The following MANBA variants were observed in gnomAD, a reference collection of about 807,000 sequenced individuals.
The protein encoded by MANBA is beta-mannosidase.
In MANBA, 83 loss-of-function variants were observed where a neutral mutation model predicts 111.1. That is an observed-to-expected ratio of 0.75 (90% CI 0.63 to 0.90). MANBA has a LOEUF of 0.90. Ranked by LOEUF, MANBA falls within the 40% of genes least tolerant of loss-of-function variation. The probability of loss-of-function intolerance (pLI) is 0.00; values close to 1 mark genes in which losing one functional copy is unlikely to be tolerated. For synonymous variants in MANBA, 370 were observed against 378.7 expected, an observed-to-expected ratio of 0.98 and a Z score of 0.27; for missense variants, 1,036 against 1,069.0, an observed-to-expected ratio of 0.97 and a Z score of 0.43.
intron 16 of MANBA, among the ~76,000 whole-genome samples, chr4:102,634,150 A>G (rs1379433817): frequency 1.3e-5 from 2 of 152,214 alleles, no homozygotes; most frequent in Non-Finnish European, 2.9e-5. Context: ...AAGGTTTTCA[A>G]CCTACTAGAC....
chr4:102,753,061 T>C (rs1191600709), intron 1 of MANBA, among the ~76,000 whole-genome samples: 1 of 152,184 alleles, frequency 6.6e-6, no homozygotes, highest in Non-Finnish European at 1.5e-5. Context: ...ATAATTTTTA[T>C]TTTCAAGTGT....
At chr4:102,678,378 T>C (rs1731814494) in intron 7 of MANBA, among the ~76,000 whole-genome samples, 1 of 152,058 alleles carries the variant, frequency 6.6e-6, no homozygotes, top group Non-Finnish European at 1.5e-5. Flanking sequence ...GTCTTGATAG[T>C]CACATAAAAG....
chr4:102,731,670 C>T (rs1723038451), intron 1 of MANBA, among the ~76,000 whole-genome samples: 1 of 152,150 alleles, frequency 6.6e-6, no homozygotes, highest in Non-Finnish European at 1.5e-5. Context: ...TTGCAATTTA[C>T]ATATGGCTGC....
At chr4:102,728,946 T>C in intron 1 of MANBA, 6 of 771,806 alleles carry the variant, frequency 7.8e-6, no homozygotes, top group South Asian at 6.7e-5. Context: ...GTATGGATAC[T>C]CATGTTCTGC....
chr4:102,723,090 T>G (rs1460033125), intron 3 of MANBA, 49 bp from the exon 4 acceptor site: 2 of 1,550,580 alleles, frequency 1.3e-6, no homozygotes, highest in Non-Finnish European at 1.8e-6. Flanking sequence ...GAAGTAGTCT[T>G]GTGTGTAAAA....
chr4:102,725,999 T>C (rs1223786223), intron 2 of MANBA, among the ~76,000 whole-genome samples: 1 of 152,104 alleles, frequency 6.6e-6, no homozygotes, highest in Non-Finnish European at 1.5e-5. Flanking sequence ...ATATTCTAAA[T>C]ATTATCTGTA....
At chr4:102,635,808 C>A in intron 15 of MANBA, 57 bp downstream of exon 15, 1 of 1,528,742 alleles carries the variant, frequency 6.5e-7, no homozygotes, top group Non-Finnish European at 9.1e-7. Context: ...AACCAAACAA[C>A]TAAAGAAATC....
chr4:102,728,188 C>G, intron 1 of MANBA: 1 of 538,844 alleles, frequency 1.9e-6, no homozygotes, highest in Admixed American at 1.9e-5. Flanking sequence ...CTATGTGAGG[C>G]TGTTCCAGCT....
At chr4:102,700,301 A>G (rs1265736743) in intron 5 of MANBA, among the ~76,000 whole-genome samples, 1 of 152,048 alleles carries the variant, frequency 6.6e-6, no homozygotes, top group African/African-American at 2.4e-5. Context: ...GATCCTTTCA[A>G]AAAACCAGCT....
At chr4:102,736,241 T>A (rs1290216087) in intron 1 of MANBA, among the ~76,000 whole-genome samples, 2 of 152,198 alleles carry the variant, frequency 1.3e-5, no homozygotes, top group Non-Finnish European at 2.9e-5. Context: ...CACCAATAGT[T>A]ACAATGTCAG....
intron 1 of MANBA, chr4:102,734,667 C>A (rs1371655845): frequency 8.6e-6 from 11 of 1,277,346 alleles, no homozygotes; most frequent in Non-Finnish European, 1.2e-5. Context: ...TGGGGACAGC[C>A]CTCCTGGGAA....
At position 102,760,743 on chromosome 4, in the gene MANBA, G is replaced by T. The variant is rs778107792; in HGVS notation, c.152C>A (p.Ala51Asp). ...PGAVPGCVHSALFQQGLIQDS... is the reference protein window; with the variant it reads ...PGAVPGCVHSDLFQQGLIQDS... ...CTGGATCAGGCCCTGCTGGAACAAG[G>T]CGCTGTGCACGCAGCCAGGGACCGC... The change falls in exon 1 of 17, where the codon GCC (alanine) becomes GAC (aspartate). Residue 51 changes from alanine to aspartate, a missense_variant. By Grantham distance (126) the Ala-to-Asp change is moderately radical (BLOSUM62 -2). Transcript: ENST00000647097. 6.5e-7 allele frequency: 1 copy of T among 1,546,660 alleles called. No individual in the cohort carries two copies. The highest frequency in any genetic ancestry group is 1.4e-5 in the African/African-American group (1 of 73,108).
intron 7 of MANBA, among the ~76,000 whole-genome samples, chr4:102,677,412 T>C (rs1243986300): frequency 6.6e-6 from 1 of 152,176 alleles, no homozygotes; most frequent in African/African-American, 2.4e-5. Flanking sequence ...TGTGATATTA[T>C]AAAAGGAAAT....
At chr4:102,638,186 A>G (rs1486810823) in intron 14 of MANBA, among the ~76,000 whole-genome samples, 3 of 152,108 alleles carry the variant, frequency 2.0e-5, no homozygotes, top group Non-Finnish European at 4.4e-5. Flanking sequence ...CACTTTGGGA[A>G]GCTGAGGAGG....
At chr4:102,648,745 G>T (rs1730205895) in intron 13 of MANBA, among the ~76,000 whole-genome samples, 1 of 152,088 alleles carries the variant, frequency 6.6e-6, no homozygotes, top group African/African-American at 2.4e-5. Context: ...TGATAGAACT[G>T]TTTTTAAAAT....
At chr4:102,645,813 T>C (rs1323587207) in intron 13 of MANBA, among the ~76,000 whole-genome samples, 1 of 152,154 alleles carries the variant, frequency 6.6e-6, no homozygotes, top group Non-Finnish European at 1.5e-5. Context: ...TGTTGATCTA[T>C]TCAAAGAACT....
At chr4:102,740,318 A>G (rs1473217918) in intron 1 of MANBA, among the ~76,000 whole-genome samples, 1 of 152,366 alleles carries the variant, frequency 6.6e-6, no homozygotes, top group East Asian at 1.9e-4. Flanking sequence ...ATGGAAACAC[A>G]TCCCATGCTC....
chr4:102,693,391 T>C (rs770053308), intron 5 of MANBA, among the ~76,000 whole-genome samples: 4 of 152,172 alleles, frequency 2.6e-5, no homozygotes, highest in Non-Finnish European at 5.9e-5. Context: ...TATGAAGTAA[T>C]AAGGGTGGGG....
chr4:102,694,354 A>G (rs1265811386), intron 5 of MANBA, among the ~76,000 whole-genome samples: 3 of 152,200 alleles, frequency 2.0e-5, no homozygotes, highest in African/African-American at 7.2e-5. Flanking sequence ...ATGGAAAAGT[A>G]GGTAATTTAG....
Sources: allele counts gnomAD v4.1 joint callset (sites outside exome capture counted in the v4.1 genomes callset), GRCh38; gene constraint gnomAD v4.1.1; transcripts MANE v1.5; gene names NCBI Gene and HGNC (gene_info 2026-07-23, HGNC 2026-07-21).